SIAH3: variants seen among roughly 807,000 people sequenced by gnomAD.
The protein encoded by SIAH3 is siah E3 ubiquitin protein ligase family member 3.
In SIAH3, 9 loss-of-function variants were observed where a neutral mutation model predicts 12.6. The observed-to-expected ratio is 0.72, with a 90% CI of 0.43 to 1.25. SIAH3 has a LOEUF of 1.25. SIAH3 is among the 50% of genes most tolerant of loss of function. SIAH3 has a pLI of 0.00. For synonymous variants in SIAH3, 154 were observed against 151.1 expected, an observed-to-expected ratio of 1.02 and a Z score of -0.14; for missense variants, 390 against 365.4, an observed-to-expected ratio of 1.07 and a Z score of -0.55.
At chr13:45,794,274 C>T (rs751482717) in intron 1 of SIAH3, among the ~76,000 whole-genome samples, 5 of 152,118 alleles carry the variant, frequency 3.3e-5, no homozygotes, top group Non-Finnish European at 7.4e-5. Context: ...TCAGGAAACA[C>T]TGAGTCTACA....
chr13:45,842,268 C>G (rs1190846634), intron 1 of SIAH3, among the ~76,000 whole-genome samples: 1 of 152,162 alleles, frequency 6.6e-6, no homozygotes, highest in Non-Finnish European at 1.5e-5. Context: ...CAGGACTCAC[C>G]TACTAGTAAT....
Position 45,833,987 on chromosome 13 carries a change from A to G in SIAH3, c.135+17508T>C, listed in dbSNP as rs59612847. 7.4e-3 allele frequency among the ~76,000 whole-genome samples: 1,109 copies of G among 150,582 alleles called. 7 individuals carry two copies. The highest frequency in any genetic ancestry group is 0.024 in the African/African-American group (985 of 40,534). Reference sequence around the variant, plus strand: ...AAAATGCTTTCTTATTTTTCGCCCAACCAATACTGAGGTCAAAAAGAAAAA... The same window carrying G: ...AAAATGCTTTCTTATTTTTCGCCCAGCCAATACTGAGGTCAAAAAGAAAAA... On this transcript the variant is annotated intron_variant, in intron 1 of 1. Coordinates refer to ENST00000400405, the MANE Select transcript of SIAH3 (RefSeq NM_198849.3).
At chr13:45,790,018 C>A (rs1950540971) in intron 1 of SIAH3, among the ~76,000 whole-genome samples, 1 of 152,198 alleles carries the variant, frequency 6.6e-6, no homozygotes, top group African/African-American at 2.4e-5. Flanking sequence ...AGAGATTTCT[C>A]ACTTTATGAA....
intron 1 of SIAH3, among the ~76,000 whole-genome samples, chr13:45,824,863 G>A (rs1381519048): frequency 6.7e-6 from 1 of 148,968 alleles, no homozygotes; most frequent in African/African-American, 2.5e-5. Context: ...GGGCGACAGA[G>A]CGAGACTCTG....
At chr13:45,805,054 A>G (rs1487174663) in intron 1 of SIAH3, among the ~76,000 whole-genome samples, 1 of 151,732 alleles carries the variant, frequency 6.6e-6, no homozygotes, top group Non-Finnish European at 1.5e-5. Flanking sequence ...AAAGATCTCT[A>G]CAAGGAGAAC....
chr13:45,828,900 ATAG>A (rs1950688617), intron 1 of SIAH3, among the ~76,000 whole-genome samples: 1 of 152,228 alleles, frequency 6.6e-6, no homozygotes, highest in Admixed American at 6.5e-5. Context: ...TATTGACAGA[ATAG>A]TTAGAAGGGA....
intron 1 of SIAH3, among the ~76,000 whole-genome samples, chr13:45,800,622 G>A (rs895663582): frequency 1.2e-4 from 19 of 152,148 alleles, no homozygotes; most frequent in Non-Finnish European, 2.4e-4. Context: ...GGCCTTATTC[G>A]CTGAGCCTCC....
intron 1 of SIAH3, among the ~76,000 whole-genome samples, chr13:45,823,785 C>A (rs1482380379): frequency 6.6e-6 from 1 of 152,218 alleles, no homozygotes; most frequent in African/African-American, 2.4e-5. Flanking sequence ...GTGGTTTAGT[C>A]CTACAGGCCT....
intron 1 of SIAH3, among the ~76,000 whole-genome samples, chr13:45,819,674 T>G (rs1239316172): frequency 6.6e-6 from 1 of 152,144 alleles, no homozygotes; most frequent in Non-Finnish European, 1.5e-5. Context: ...GGGCCCTGCA[T>G]GTCGGAGGGC....
chr13:45,821,310 C>T (rs1314229254), intron 1 of SIAH3, among the ~76,000 whole-genome samples: 1 of 152,182 alleles, frequency 6.6e-6, no homozygotes, highest in Non-Finnish European at 1.5e-5. Context: ...ACAAATTATC[C>T]CTCACAGCCT....
intron 1 of SIAH3, among the ~76,000 whole-genome samples, chr13:45,799,535 C>T (rs1008886633): frequency 6.6e-6 from 1 of 152,132 alleles, no homozygotes; most frequent in Non-Finnish European, 1.5e-5. Context: ...CCTCGTGTGG[C>T]CTCCAGGAGG....
At chr13:45,840,129 G>T (rs1950735093) in intron 1 of SIAH3, among the ~76,000 whole-genome samples, 1 of 151,916 alleles carries the variant, frequency 6.6e-6, no homozygotes, top group Non-Finnish European at 1.5e-5. Flanking sequence ...GTGGTGGTGT[G>T]CACCTGTAAT....
chr13:45,793,950 G>A lies in SIAH3; in HGVS notation c.136-9893C>T, dbSNP rs749888281. 8.5e-5 allele frequency among the ~76,000 whole-genome samples: 13 copies of A among 152,228 alleles called. No homozygotes were observed. The East Asian group carries it at 1.5e-3, about 18-fold the overall frequency. On this transcript the variant is annotated intron_variant, in intron 1 of 1. Transcript: ENST00000400405. ...GAAAAGACATATGAGGAGAAGACAC[G>A]GATGCAGAGAAGGCCATGTGAAGAT...
Position 45,783,934 on chromosome 13 carries a change from GGTGGGC to G in SIAH3, c.253_258del (p.Ala85_His86del). On this transcript the variant is annotated inframe_deletion, in exon 2 of 2. Coordinates refer to ENST00000400405, the MANE Select transcript of SIAH3 (RefSeq NM_198849.3). ...GCCTCCTGGTGGTGAAGGTGGTGGG[GGTGGGC>G]GTGGTGGCGGAGGTGGTGGTGGTGG... is the stretch of plus-strand genomic sequence containing the variant. 6.2e-7 allele frequency: 1 copy of G among 1,608,240 alleles called. No homozygotes were observed. The highest frequency in any genetic ancestry group is 8.5e-7 in the Non-Finnish European group (1 of 1,177,624).
chr13:45,835,313 G>A (rs1431471816), intron 1 of SIAH3, among the ~76,000 whole-genome samples: 1 of 152,168 alleles, frequency 6.6e-6, no homozygotes, highest in African/African-American at 2.4e-5. Context: ...CAAGGTTAGA[G>A]CAGCTGTAAT....
chr13:45,842,986 C>T (rs1378841494), intron 1 of SIAH3, among the ~76,000 whole-genome samples: 1 of 149,050 alleles, frequency 6.7e-6, no homozygotes, highest in African/African-American at 2.4e-5. Flanking sequence ...ACTCAGGGCC[C>T]ACACAGGGGA....
intron 1 of SIAH3, among the ~76,000 whole-genome samples, chr13:45,806,746 A>G (rs1950599931): frequency 6.6e-6 from 1 of 152,216 alleles, no homozygotes; most frequent in Non-Finnish European, 1.5e-5. Context: ...AAAAATTTAA[A>G]GGTATGTGAA....
At chr13:45,843,032 C>CTGTGTGTG (rs746384493) in intron 1 of SIAH3, among the ~76,000 whole-genome samples, 25 of 127,008 alleles carry the variant, frequency 2.0e-4, no homozygotes, top group East Asian at 5.4e-4. Flanking sequence ...CTCTCTCTCT[C>CTGTGTGTG]TCTGTGTGTG....
At chr13:45,803,897 A>T (rs1282096903) in intron 1 of SIAH3, among the ~76,000 whole-genome samples, 1 of 152,136 alleles carries the variant, frequency 6.6e-6, no homozygotes. Flanking sequence ...CCTAATAAAA[A>T]ATTCCAGGTA....
Sources: allele counts gnomAD v4.1 joint callset (sites outside exome capture counted in the v4.1 genomes callset), GRCh38; gene constraint gnomAD v4.1.1; transcripts MANE v1.5; gene names NCBI Gene and HGNC (gene_info 2026-07-23, HGNC 2026-07-21).